SGCZ: variants seen among roughly 807,000 people sequenced by gnomAD.
The protein encoded by SGCZ is zeta-sarcoglycan.
In SGCZ, 40 loss-of-function variants were observed where a neutral mutation model predicts 41.3. That is an observed-to-expected ratio of 0.97 (90% CI 0.75 to 1.26). The LOEUF (loss-of-function observed/expected upper bound fraction) is 1.26, where lower values mean the gene tolerates loss of function less well. SGCZ is among the 50% of genes most tolerant of loss of function. SGCZ has a pLI of 0.00. For synonymous variants in SGCZ, 206 were observed against 137.5 expected (o/e 1.50, Z -3.49); for missense variants, 552 against 369.8 (o/e 1.49, Z -4.04).
intron 2 of SGCZ, among the ~76,000 whole-genome samples, chr8:14,517,763 T>C (rs1417241522): frequency 6.6e-6 from 1 of 151,956 alleles, no homozygotes; most frequent in South Asian, 2.1e-4. Context: ...ATTCATGCTT[T>C]TAGCTCTTCA....
intron 1 of SGCZ, among the ~76,000 whole-genome samples, chr8:14,560,267 T>C (rs1265825294): frequency 6.6e-6 from 1 of 152,052 alleles, no homozygotes; most frequent in Non-Finnish European, 1.5e-5. Flanking sequence ...AACCTAATTG[T>C]CCTGATTTGA....
intron 2 of SGCZ, among the ~76,000 whole-genome samples, chr8:14,514,791 G>A (rs1369101380): frequency 2.2e-4 from 16 of 73,610 alleles, no homozygotes; most frequent in African/African-American, 8.1e-4. Flanking sequence ...AAATGTGTGT[G>A]TGTGTGTGTG....
At chr8:14,919,522 C>T (rs10099062) in intron 1 of SGCZ, among the ~76,000 whole-genome samples, 15,476 of 152,188 alleles carry the variant, frequency 0.1, 944 homozygotes, top group East Asian at 0.17. Context: ...TTGAAGAGCA[C>T]ATAAGTAGAG....
intron 2 of SGCZ, among the ~76,000 whole-genome samples, chr8:14,442,527 A>T (rs1347729914): frequency 1.3e-5 from 2 of 152,144 alleles, no homozygotes; most frequent in African/African-American, 4.8e-5. Flanking sequence ...TATGTTTCTT[A>T]CTTGACAGTA....
At chr8:14,776,274 G>A (rs1037240009) in intron 1 of SGCZ, among the ~76,000 whole-genome samples, 1 of 152,048 alleles carries the variant, frequency 6.6e-6, no homozygotes, top group Non-Finnish European at 1.5e-5. Flanking sequence ...AGTGAATCAT[G>A]GGGGTGGTTT....
chr8:14,481,989 C>G (rs1171758826), intron 2 of SGCZ, among the ~76,000 whole-genome samples: 1 of 152,150 alleles, frequency 6.6e-6, no homozygotes, highest in Non-Finnish European at 1.5e-5. Flanking sequence ...ACACCATTGA[C>G]AGCAGAACCC....
intron 1 of SGCZ, among the ~76,000 whole-genome samples, chr8:15,104,170 G>C (rs866395785): frequency 1.6e-4 from 24 of 152,110 alleles, no homozygotes; most frequent in South Asian, 4.1e-4. Flanking sequence ...AAATGGTTCT[G>C]GTTTCAATAA....
intron 1 of SGCZ, among the ~76,000 whole-genome samples, chr8:14,867,453 T>A (rs1425781253): frequency 6.6e-6 from 1 of 152,150 alleles, no homozygotes; most frequent in East Asian, 1.9e-4. Context: ...TTTATATTCC[T>A]TTGGGCATAC....
At chr8:14,359,891 T>C (rs989597079) in intron 2 of SGCZ, among the ~76,000 whole-genome samples, 1 of 151,626 alleles carries the variant, frequency 6.6e-6, no homozygotes, top group African/African-American at 2.4e-5. Flanking sequence ...ATCAAATTCA[T>C]CAATATGTTA....
chr8:14,215,666 TATAG>T (rs895520787), intron 4 of SGCZ, among the ~76,000 whole-genome samples: 26 of 152,094 alleles, frequency 1.7e-4, no homozygotes, highest in Admixed American at 1.3e-3. Context: ...ACCATATCAC[TATAG>T]ATAGTTTAAT....
chr8:14,465,066 G>C (rs1278120356), intron 2 of SGCZ, among the ~76,000 whole-genome samples: 7 of 151,516 alleles, frequency 4.6e-5, no homozygotes, highest in Admixed American at 4.0e-4. Flanking sequence ...TTGTTCAGTA[G>C]AGTGTTCCAT....
intron 2 of SGCZ, among the ~76,000 whole-genome samples, chr8:14,439,929 A>G (rs1490716813): frequency 1.3e-5 from 2 of 151,964 alleles, no homozygotes; most frequent in Admixed American, 6.6e-5. Flanking sequence ...ACTGACTTAA[A>G]CTGCTTTCCC....
chr8:15,237,566 C>T lies in SGCZ; in HGVS notation c.39+19G>A, dbSNP rs748379273. 1.9e-6 allele frequency: 3 copies of T among 1,585,490 alleles called. No homozygotes were observed. Among genetic ancestry groups the T allele is most frequent in the South Asian group, 1.1e-5 (1 of 87,382 alleles). On this transcript the variant is annotated intron_variant, in intron 1 of 7. Coordinates refer to ENST00000382080, the MANE Select transcript of SGCZ (RefSeq NM_139167.4). ...AGCGCCGAGAAGCGGCCGCGAAGCC[C>T]GCCCGGACCCGCACGTACCTTGAGC...
chr8:14,616,119 T>C (rs954250869), intron 1 of SGCZ, among the ~76,000 whole-genome samples: 8 of 151,772 alleles, frequency 5.3e-5, no homozygotes, highest in Admixed American at 6.6e-5. Context: ...TCATCTCTAC[T>C]AAAAAATACA....
chr8:14,263,677 T>C (rs1240346555), intron 3 of SGCZ, among the ~76,000 whole-genome samples: 1 of 152,092 alleles, frequency 6.6e-6, no homozygotes, highest in Admixed American at 6.6e-5. Context: ...ACATCAAATT[T>C]AGCAACTATT....
At chr8:14,747,223 A>G (rs1282752273) in intron 1 of SGCZ, among the ~76,000 whole-genome samples, 1 of 152,218 alleles carries the variant, frequency 6.6e-6, no homozygotes, top group Admixed American at 6.5e-5. Flanking sequence ...ACACCTGACC[A>G]CAGTCAGAGG....
intron 2 of SGCZ, among the ~76,000 whole-genome samples, chr8:14,353,000 T>A (rs1256410174): frequency 6.6e-6 from 1 of 152,028 alleles, no homozygotes; most frequent in Non-Finnish European, 1.5e-5. Flanking sequence ...TCCTGTAACA[T>A]TTCTGGACAA....
intron 2 of SGCZ, among the ~76,000 whole-genome samples, chr8:14,331,315 C>A (rs544693719): frequency 1.3e-5 from 2 of 151,940 alleles, no homozygotes; most frequent in East Asian, 3.8e-4. Flanking sequence ...TTAACTTCAA[C>A]TTCTAATTAA....
chr8:15,132,493 G>C (rs1013212520), intron 1 of SGCZ, among the ~76,000 whole-genome samples: 9 of 152,142 alleles, frequency 5.9e-5, no homozygotes, highest in Admixed American at 5.9e-4. Flanking sequence ...AAAACCAGTG[G>C]AAGGTTTACA....
Sources: gnomAD v4.1 joint callset for allele counts (sites outside exome capture counted in the v4.1 genomes callset) on GRCh38, gnomAD v4.1.1 for gene constraint, MANE v1.5 for transcripts, NCBI Gene and HGNC (gene_info 2026-07-23, HGNC 2026-07-21) for gene names.